Variants in PCSK5 observed in about 807,000 individuals in gnomAD.
PCSK5 encodes the protein proprotein convertase subtilisin/kexin type 5, also known as prohormone convertase 5.
A neutral mutation model predicts 233.2 loss-of-function variants in PCSK5; 129 were observed. That is an observed-to-expected ratio of 0.55 (90% confidence interval 0.48 to 0.64). The LOEUF is 0.64. Among genes scored for constraint, PCSK5 ranks in the 30% least tolerant of loss-of-function variants. The pLI, the probability that PCSK5 is intolerant of heterozygous loss-of-function variation, is 0.00. For missense variants in PCSK5, 2,076 were observed against 2,430.1 expected, an observed-to-expected ratio of 0.85 and a Z score of 3.06; for synonymous variants, 825 against 879.2, an observed-to-expected ratio of 0.94 and a Z score of 1.09.
rs990207536 is a variant in PCSK5, at chr9:76,166,095, G to A, written c.1620-3609G>A. Among the ~76,000 whole-genome samples, 5 of 152,302 alleles carry A rather than the reference G, an allele frequency of 3.3e-5. No homozygotes were observed. The East Asian group carries it at 9.6e-4, about 29-fold the overall frequency. On this transcript the variant is annotated intron_variant, in intron 12 of 37. Transcript: ENST00000674117. ...ACAACAATGTGTACTTATAAAGGAC[G>A]GAATGAAACTAGCAATGTAAAGCCC... is the stretch of plus-strand genomic sequence containing the variant.
chr9:76,115,579 T>G (rs1832391230), intron 9 of PCSK5, among the ~76,000 whole-genome samples: 1 of 152,078 alleles, frequency 6.6e-6, no homozygotes, highest in Non-Finnish European at 1.5e-5. Flanking sequence ...TGCCAGGGAA[T>G]TTTTGTTCTG....
At position 76,310,822 on chromosome 9, in the gene PCSK5, T is replaced by G. The variant is rs1045595786; in HGVS notation, c.3855T>G (p.His1285Gln). Residue 1285 changes from histidine (H) to glutamine (Q), a missense_variant, in exon 30 of 38, where the codon CAT (histidine) becomes CAG (glutamine). This residue lies in a region of PCSK5 where 1,510 missense variants were observed against 1,538.1 expected (regional missense o/e 0.98). Coordinates refer to ENST00000674117, the MANE Select transcript of PCSK5 (RefSeq NM_001372043.1). ...AGCCGGGCCACCCTCTCTTCCTCCA[T>G]GAAGGCAGGTGCTACTCCAAGTGCC... ...QMQPGHPLFL[H>Q]EGRCYSKCPE... 1 of 1,606,746 alleles carries G rather than the reference T, an allele frequency of 6.2e-7. No individual in the cohort carries two copies. Among genetic ancestry groups the G allele is most frequent in the African/African-American group, 1.3e-5 (1 of 74,700 alleles).
intron 5 of PCSK5, among the ~76,000 whole-genome samples, chr9:76,055,391 C>T (rs1829784213): frequency 6.6e-6 from 1 of 151,992 alleles, no homozygotes; most frequent in South Asian, 2.1e-4. Context: ...TATATGATTT[C>T]TTTTTACTTC....
At chr9:76,008,955 A>G (rs889410474) in intron 3 of PCSK5, among the ~76,000 whole-genome samples, 3 of 152,220 alleles carry the variant, frequency 2.0e-5, no homozygotes, top group African/African-American at 7.2e-5. Context: ...TAGTATAAGT[A>G]TGTCACATCC....
intron 24 of PCSK5, among the ~76,000 whole-genome samples, chr9:76,276,282 T>C (rs188167217): frequency 5.5e-4 from 84 of 152,344 alleles, no homozygotes; most frequent in African/African-American, 1.9e-3. Flanking sequence ...TAGAATCTAG[T>C]TGAGCAAGAT....
intron 36 of PCSK5, 129 bp from the exon 37 acceptor site, chr9:76,353,904 C>T (rs1830230131): frequency 1.5e-6 from 1 of 679,454 alleles, no homozygotes; most frequent in Non-Finnish European, 2.5e-6. Context: ...GGGCTTAGAA[C>T]ACACCATCCT....
intron 12 of PCSK5, among the ~76,000 whole-genome samples, chr9:76,165,558 A>G (rs930431622): frequency 7.9e-5 from 12 of 152,228 alleles, no homozygotes; most frequent in South Asian, 4.1e-4. Context: ...CATCCAAAGT[A>G]ATTTATTTGG....
At chr9:75,919,905 C>T (rs1349477100) in intron 1 of PCSK5, among the ~76,000 whole-genome samples, 1 of 152,262 alleles carries the variant, frequency 6.6e-6, no homozygotes, top group East Asian at 1.9e-4. Flanking sequence ...TGGTGGCTCA[C>T]GTCTGTAATC....
intron 3 of PCSK5, among the ~76,000 whole-genome samples, chr9:75,990,352 A>G (rs181505898): frequency 6.6e-5 from 10 of 152,246 alleles, no homozygotes; most frequent in South Asian, 2.1e-4. Context: ...AGCTTTTCCC[A>G]TGTCGCTCCT....
chr9:76,088,362 T>G (rs1831148178), intron 7 of PCSK5, among the ~76,000 whole-genome samples: 1 of 152,246 alleles, frequency 6.6e-6, no homozygotes. Context: ...ATTAATGAAC[T>G]GTTTCCTTTA....
At chr9:76,231,589 T>C (rs1014320846) in intron 21 of PCSK5, among the ~76,000 whole-genome samples, 54 of 152,244 alleles carry the variant, frequency 3.5e-4, no homozygotes, top group African/African-American at 1.3e-3. Flanking sequence ...CCACAGTTTT[T>C]CTTATAGAAA....
rs1400907644 is a variant in PCSK5 at position 76,161,926 on chromosome 9, T to C, written c.1619+2755T>C. Among the ~76,000 whole-genome samples, 5 of 152,280 alleles carry C rather than the reference T, an allele frequency of 3.3e-5. 1 individual carries two copies. The East Asian group carries it at 9.7e-4, about 29-fold the overall frequency. Reference sequence around the variant, plus strand: ...CTCAGTCTCCCTCATCAAGACCACCTGGGAATAAAGTTTGCTCCCAGAATG... The same window carrying C: ...CTCAGTCTCCCTCATCAAGACCACCCGGGAATAAAGTTTGCTCCCAGAATG... On this transcript the variant is annotated intron_variant, in intron 12 of 37. Coordinates refer to ENST00000674117, the MANE Select transcript of PCSK5 (RefSeq NM_001372043.1).
At chr9:76,356,897 A>T (rs1245000820) in intron 37 of PCSK5, among the ~76,000 whole-genome samples, 1 of 152,214 alleles carries the variant, frequency 6.6e-6, no homozygotes, top group Non-Finnish European at 1.5e-5. Flanking sequence ...TATCCCTTGA[A>T]CACGAGAGAT....
At chr9:75,945,116 T>TATAA (rs938428122) in intron 2 of PCSK5, among the ~76,000 whole-genome samples, 1 of 151,134 alleles carries the variant, frequency 6.6e-6, no homozygotes, top group Non-Finnish European at 1.5e-5. Flanking sequence ...TCTCAAAAAA[T>TATAA]ATAAATAAAT....
intron 9 of PCSK5, among the ~76,000 whole-genome samples, chr9:76,114,247 G>A (rs1351749306): frequency 1.3e-5 from 2 of 152,086 alleles, no homozygotes; most frequent in Non-Finnish European, 2.9e-5. Flanking sequence ...GAGGCCTAGC[G>A]GACAGAGAAG....
intron 9 of PCSK5, among the ~76,000 whole-genome samples, chr9:76,122,827 C>CTTTTTTTTTTTTTTTTTTTTTT (rs71372050): frequency 7.9e-6 from 1 of 127,074 alleles, no homozygotes; most frequent in African/African-American, 3.2e-5. Flanking sequence ...TTTTTTTTTT[C>CTTTTTTTTTTTTTTTTTTTTTT]TTTTTTTTTT....
At chr9:76,151,936 TAC>T (rs1823691415) in intron 10 of PCSK5, among the ~76,000 whole-genome samples, 1 of 152,222 alleles carries the variant, frequency 6.6e-6, no homozygotes, top group Non-Finnish European at 1.5e-5. Context: ...GTAGGTGCTT[TAC>T]AACCTGAGTG....
At chr9:76,217,882 C>A (rs1426929470) in intron 20 of PCSK5, among the ~76,000 whole-genome samples, 1 of 152,184 alleles carries the variant, frequency 6.6e-6, no homozygotes, top group East Asian at 1.9e-4. Flanking sequence ...AAGCCTCCTG[C>A]CCCTCCACAC....
chr9:75,923,504 A>T (rs745496374), intron 1 of PCSK5, among the ~76,000 whole-genome samples: 11 of 152,208 alleles, frequency 7.2e-5, no homozygotes, highest in Admixed American at 6.6e-4. Context: ...CTATATTGGT[A>T]TAACTATTTG....
Sources: allele counts gnomAD v4.1 joint callset (sites outside exome capture counted in the v4.1 genomes callset), GRCh38; gene constraint gnomAD v4.1.1; regional missense constraint gnomAD v4.1.1; transcripts MANE v1.5; gene names NCBI Gene and HGNC (gene_info 2026-07-23, HGNC 2026-07-21).